The following ANO4 variants were observed in gnomAD, a reference collection of about 807,000 sequenced individuals.
The protein encoded by ANO4 is anoctamin 4.
Under a neutral mutation model 141.9 loss-of-function variants are expected in ANO4, and 69 were observed. The ratio of observed to expected loss-of-function variants is 0.49; its 90% CI spans 0.40 to 0.59. The LOEUF is 0.59. Ranked by LOEUF, ANO4 falls within the 20% of genes least tolerant of loss-of-function variation. The probability of loss-of-function intolerance (pLI) is 0.00; values close to 1 mark genes in which losing one functional copy is unlikely to be tolerated. For synonymous variants in ANO4, 350 were observed against 394.3 expected (o/e 0.89, Z 1.33); for missense variants, 894 against 1,162.2 (o/e 0.77, Z 3.36).
At chr12:100,808,158 C>A (rs114616874) in intron 1 of ANO4, among the ~76,000 whole-genome samples, 3,107 of 152,198 alleles carry the variant, frequency 0.02, 105 homozygotes, top group African/African-American at 0.07. Flanking sequence ...TCCATAATGT[C>A]TGAACTAATT....
chr12:101,008,283 C>A (rs939464162), intron 8 of ANO4, among the ~76,000 whole-genome samples: 2 of 152,132 alleles, frequency 1.3e-5, no homozygotes, highest in Non-Finnish European at 2.9e-5. Flanking sequence ...CATGCTTCAA[C>A]CCTTTATATT....
intron 7 of ANO4, among the ~76,000 whole-genome samples, chr12:100,979,884 C>T (rs376772681): frequency 1.4e-5 from 2 of 147,976 alleles, no homozygotes; most frequent in African/African-American, 5.0e-5. Flanking sequence ...CCCACCACCA[C>T]GCCCAGCTGA....
intron 3 of ANO4, among the ~76,000 whole-genome samples, chr12:100,745,557 G>T (rs945528836): frequency 2.0e-5 from 3 of 152,162 alleles, no homozygotes; most frequent in African/African-American, 7.2e-5. Flanking sequence ...AGACACAGTT[G>T]AAGAGAGAAC....
At chr12:100,971,173 G>A in intron 5 of ANO4, 133 bp from the exon 6 acceptor site, 1 of 542,026 alleles carries the variant, frequency 1.8e-6, no homozygotes. Flanking sequence ...CACTTGTAAG[G>A]GTCTGGCCTA....
intron 8 of ANO4, among the ~76,000 whole-genome samples, chr12:101,003,861 G>A (rs2045758661): frequency 6.6e-6 from 1 of 152,124 alleles, no homozygotes; most frequent in African/African-American, 2.4e-5. Flanking sequence ...AATTTTCCAT[G>A]CAAGTTAACA....
chr12:101,054,260 A>G, intron 14 of ANO4, among the ~76,000 whole-genome samples: 1 of 152,226 alleles, frequency 6.6e-6, no homozygotes, highest in East Asian at 1.9e-4. Context: ...AAAGTAGGGT[A>G]TAAAGTATAC....
chr12:100,885,225 A>G (rs1485413628), intron 1 of ANO4, among the ~76,000 whole-genome samples: 1 of 152,202 alleles, frequency 6.6e-6, no homozygotes, highest in Non-Finnish European at 1.5e-5. Flanking sequence ...GTAAGGTGAC[A>G]TATTCACAGG....
rs71091476 is a variant in ANO4 at position 101,103,183 on chromosome 12, TTATATATATA to T, written c.2149+3501_2149+3510del. ...CTTTACATTTTCCTTTTTAGTCATT[TTATATATATA>T]TATATATATATATATATATATATAT... On this transcript the variant is annotated intron_variant, in intron 22 of 27. Coordinates refer to ENST00000392977, the MANE Select transcript of ANO4 (RefSeq NM_001286615.2). Among the ~76,000 whole-genome samples, 8 of 18,582 alleles carry T rather than the reference TTATATATATA, an allele frequency of 4.3e-4. 1 individual carries two copies. The highest frequency in any genetic ancestry group is 1.6e-3 in the African/African-American group (8 of 4,998). The allele number at this position is 18,582 out of a possible 152,430, so 12.2% of individuals were successfully genotyped here.
intron 3 of ANO4, among the ~76,000 whole-genome samples, chr12:100,938,320 T>C (rs1261822427): frequency 6.6e-6 from 1 of 152,206 alleles, no homozygotes; most frequent in African/African-American, 2.4e-5. Flanking sequence ...TCACTTTTAT[T>C]CACCAAGGTG....
At chr12:101,121,480 C>T (rs2051090303) in intron 26 of ANO4, among the ~76,000 whole-genome samples, 1 of 152,128 alleles carries the variant, frequency 6.6e-6, no homozygotes, top group Non-Finnish European at 1.5e-5. Flanking sequence ...ATCTGGTCCA[C>T]CATTGATGGG....
intron 5 of ANO4, among the ~76,000 whole-genome samples, chr12:100,956,603 G>A (rs1276352637): frequency 6.6e-6 from 1 of 152,206 alleles, no homozygotes; most frequent in Non-Finnish European, 1.5e-5. Context: ...GGATTGTGTA[G>A]CAGTAAATCA....
Position 100,918,655 on chromosome 12 carries a change from G to A in ANO4, c.56-3571G>A, listed in dbSNP as rs552270965. 4.3e-4 allele frequency among the ~76,000 whole-genome samples: 65 copies of A among 152,122 alleles called. 2 individuals carry two copies. In the South Asian group the frequency reaches 9.6e-3, roughly 22 times the overall value. ...TTACTCACGTGTTTGTGGTGATGCC[G>A]GTGTAAACAAACCTACTGTGCTGCC... On this transcript the variant is annotated intron_variant, in intron 2 of 27. Coordinates refer to ENST00000392977, the MANE Select transcript of ANO4 (RefSeq NM_001286615.2).
chr12:101,047,893 C>A, intron 13 of ANO4: 2 of 599,420 alleles, frequency 3.3e-6, no homozygotes, highest in Non-Finnish European at 4.2e-6. Flanking sequence ...AATGTTTGCT[C>A]AAAACTGCAT....
chr12:101,001,654 T>C (rs1238059288), intron 8 of ANO4, among the ~76,000 whole-genome samples: 3 of 152,142 alleles, frequency 2.0e-5, no homozygotes, highest in South Asian at 4.1e-4. Flanking sequence ...CTACTGGTAT[T>C]GTTATTTCCG....
chr12:101,101,822 C>A (rs967259977), intron 22 of ANO4, among the ~76,000 whole-genome samples: 3 of 152,092 alleles, frequency 2.0e-5, no homozygotes, highest in African/African-American at 4.8e-5. Context: ...GTGGCTCACA[C>A]CTGTAATCCT....
intron 15 of ANO4, 57 bp downstream of exon 15, chr12:101,079,332 C>A (rs1593212695): frequency 4.2e-6 from 2 of 471,700 alleles, no homozygotes; most frequent in Non-Finnish European, 2.8e-6. Context: ...AACCACACGA[C>A]CCCCCCCCAA....
At chr12:101,062,344 G>A (rs192591454) in intron 14 of ANO4, among the ~76,000 whole-genome samples, 314 of 152,364 alleles carry the variant, frequency 2.1e-3, no homozygotes, top group African/African-American at 7.2e-3. Context: ...GTGTCTCCCA[G>A]TCAGGAGGCA....
intron 5 of ANO4, among the ~76,000 whole-genome samples, chr12:100,956,655 A>G (rs951765511): frequency 2.0e-5 from 3 of 152,154 alleles, no homozygotes; most frequent in Non-Finnish European, 4.4e-5. Flanking sequence ...AGTTTCTCAG[A>G]CTCTAATAAG....
At chr12:101,049,553 A>T (rs983493342) in intron 14 of ANO4, among the ~76,000 whole-genome samples, 6 of 150,350 alleles carry the variant, frequency 4.0e-5, no homozygotes, top group African/African-American at 1.5e-4. Context: ...GTCAATGGAT[A>T]GATAGGTGGA....
Sources: allele counts gnomAD v4.1 joint callset (sites outside exome capture counted in the v4.1 genomes callset), GRCh38; gene constraint gnomAD v4.1.1; transcripts MANE v1.5; gene names NCBI Gene and HGNC (gene_info 2026-07-23, HGNC 2026-07-21).